ACTN2: variants seen among roughly 807,000 people sequenced by gnomAD.
The protein encoded by ACTN2 is alpha-actinin-2.
A neutral mutation model predicts 113.8 loss-of-function variants in ACTN2; 39 were observed. The observed-to-expected ratio is 0.34, with a 90% CI of 0.27 to 0.45. ACTN2 has a LOEUF of 0.45. Ranked by LOEUF, ACTN2 falls within the 20% of genes least tolerant of loss-of-function variation. The probability of loss-of-function intolerance (pLI) is 1.00; values close to 1 mark genes in which losing one functional copy is unlikely to be tolerated. For missense variants in ACTN2, 992 were observed against 1,177.9 expected (o/e 0.84, Z 2.31); for synonymous variants, 429 against 444.1 (o/e 0.97, Z 0.43).
At chr1:236,694,728 A>C (rs1657430602) in intron 1 of ACTN2, among the ~76,000 whole-genome samples, 1 of 152,098 alleles carries the variant, frequency 6.6e-6, no homozygotes, top group Non-Finnish European at 1.5e-5. Flanking sequence ...GTATTTTCTC[A>C]GGTCCCCGAA....
chr1:236,715,486 TA>T (rs1025982612), intron 1 of ACTN2, among the ~76,000 whole-genome samples: 4 of 152,130 alleles, frequency 2.6e-5, no homozygotes, highest in African/African-American at 9.7e-5. Context: ...TCTGTGATGA[TA>T]GGAATGTTGT....
intron 7 of ACTN2, 103 bp downstream of exon 7, chr1:236,731,417 C>T (rs184754556): frequency 4.3e-5 from 39 of 897,020 alleles, no homozygotes; most frequent in Admixed American, 3.1e-4. Context: ...AAGTTACATC[C>T]GAAGTACTTT....
chr1:236,705,956 A>G (rs1025040114), intron 1 of ACTN2, among the ~76,000 whole-genome samples: 1 of 152,222 alleles, frequency 6.6e-6, no homozygotes, highest in Non-Finnish European at 1.5e-5. Context: ...TTTGTGATGC[A>G]GAATTTGATT....
intron 1 of ACTN2, among the ~76,000 whole-genome samples, chr1:236,715,881 G>A (rs527273152): frequency 3.9e-5 from 6 of 152,258 alleles, no homozygotes; most frequent in Admixed American, 3.3e-4. Context: ...ACTTGAACTC[G>A]GGAGGCGGAG....
chr1:236,703,433 CTTTTTTTTTTTT>C (rs35432183), intron 1 of ACTN2, among the ~76,000 whole-genome samples: 2 of 98,838 alleles, frequency 2.0e-5, no homozygotes, highest in South Asian at 7.3e-4. Flanking sequence ...GGCCTACTAC[CTTTTTTTTTTTT>C]TTTTTTTTTT....
At chr1:236,733,330 T>C (rs545187995) in intron 7 of ACTN2, among the ~76,000 whole-genome samples, 1 of 152,342 alleles carries the variant, frequency 6.6e-6, no homozygotes, top group South Asian at 2.1e-4. Flanking sequence ...GTAGAATTAT[T>C]GGCAGGATCA....
intron 8 of ACTN2, chr1:236,736,420 G>C (rs1658878191): frequency 1.7e-6 from 1 of 600,808 alleles, no homozygotes; most frequent in African/African-American, 1.9e-5. Context: ...CAGGCTGCGG[G>C]CCCAGAAGCC....
chr1:236,727,902 C>T (rs1658600974), intron 6 of ACTN2, 146 bp downstream of exon 6: 1 of 761,088 alleles, frequency 1.3e-6, no homozygotes, highest in African/African-American at 1.7e-5. Flanking sequence ...TCCCAGCTAG[C>T]CTTTCCCATG....
intron 11 of ACTN2, among the ~76,000 whole-genome samples, chr1:236,744,246 C>T (rs142448588): frequency 1.3e-5 from 2 of 152,036 alleles, no homozygotes; most frequent in African/African-American, 2.4e-5. Flanking sequence ...AATGGAGCAC[C>T]GGGGTTTTAT....
chr1:236,749,062 T>A (rs764323046), intron 13 of ACTN2, 62 bp from the exon 14 acceptor site: 1 of 1,583,424 alleles, frequency 6.3e-7, no homozygotes, highest in Admixed American at 1.7e-5. Context: ...GAACGCCTAC[T>A]TACACTTTCA....
At position 236,754,691 on chromosome 1, in the gene ACTN2, C is replaced by T. The variant is rs1239464880; in HGVS notation, c.1975-328C>T. ...CACCCAGGCAGCCCACCCCCAGCCT[C>T]CTCCAGAGCAGGGTAGCTCTGCCCG... On this transcript the variant is annotated intron_variant, in intron 16 of 20. Coordinates refer to ENST00000366578, the MANE Select transcript of ACTN2 (RefSeq NM_001103.4). This position sits in a 1 kb window ranked among gnomAD's most constrained non-coding sequence, Gnocchi z 4.9. Among the ~76,000 whole-genome samples the T allele has an allele frequency of 6.6e-6, 1 of 152,222 alleles. No individual in the cohort carries two copies. The highest frequency in any genetic ancestry group is 2.4e-5 in the African/African-American group (1 of 41,460).
At chr1:236,745,959 C>T (rs1377238271) in intron 12 of ACTN2, among the ~76,000 whole-genome samples, 1 of 151,822 alleles carries the variant, frequency 6.6e-6, no homozygotes, top group East Asian at 1.9e-4. Flanking sequence ...GTCAGGAGAT[C>T]AAGACCATCC....
intron 1 of ACTN2, among the ~76,000 whole-genome samples, chr1:236,715,381 A>T (rs895932812): frequency 6.8e-6 from 1 of 147,024 alleles, no homozygotes; most frequent in African/African-American, 2.5e-5. Context: ...AAATACATAA[A>T]ATTAATATGT....
Position 236,739,232 on chromosome 1 carries a change from ATT to A in ACTN2, c.877-59_877-58del, listed in dbSNP as rs34704730. 0.069 allele frequency: 83,219 copies of A among 1,204,020 alleles called. 2,398 individuals carry two copies. The highest frequency in any genetic ancestry group is 0.12 in the East Asian group (4,461 of 37,900). 74.6% of individuals were successfully genotyped at this position (1,204,020 alleles called of 1,614,324 possible). On this transcript the variant is annotated intron_variant, in intron 9 of 20. Coordinates refer to ENST00000366578, the MANE Select transcript of ACTN2 (RefSeq NM_001103.4). Reference sequence around the variant, plus strand: ...TCCTTTACAAATTATTGGATGCCTCATTTTTTTTTTTTAACTGGGGGAGGGGG... The same window carrying A: ...TCCTTTACAAATTATTGGATGCCTCATTTTTTTTTTAACTGGGGGAGGGGG...
At chr1:236,761,446 T>C (rs1435266824) in intron 20 of ACTN2, among the ~76,000 whole-genome samples, 1 of 151,792 alleles carries the variant, frequency 6.6e-6, no homozygotes, top group Admixed American at 6.6e-5. Flanking sequence ...TGTGTGTGTG[T>C]GTGTGTGTGT....
chr1:236,753,875 T>A, intron 15 of ACTN2, 72 bp from the exon 16 acceptor site: 1 of 910,664 alleles, frequency 1.1e-6, no homozygotes, highest in Non-Finnish European at 1.7e-6. Context: ...CTTGGACTAT[T>A]CCCGCATTCT....
chr1:236,726,110 C>T, intron 5 of ACTN2, 90 bp downstream of exon 5: 8 of 1,199,880 alleles, frequency 6.7e-6, no homozygotes, highest in South Asian at 1.2e-5. Context: ...GTGTTTTCCT[C>T]CTGTCTGAGA....
At chr1:236,736,449 T>A (rs564711922) in intron 8 of ACTN2, 18 of 671,062 alleles carry the variant, frequency 2.7e-5, no homozygotes, top group African/African-American at 2.4e-4. Context: ...AAGCTTCTCT[T>A]GTTCCATCAG....
intron 1 of ACTN2, among the ~76,000 whole-genome samples, chr1:236,705,377 A>G (rs10925201): frequency 0.59 from 89,182 of 152,056 alleles, 29,598 homozygotes; most frequent in Non-Finnish European, 0.74. Context: ...ATAAAGATGA[A>G]TATTTAAACA....
Sources: gnomAD v4.1 joint callset for allele counts (sites outside exome capture counted in the v4.1 genomes callset) on GRCh38, gnomAD v4.1.1 for gene constraint, Gnocchi (gnomAD v3.1) non-coding constraint, MANE v1.5 for transcripts, NCBI Gene and HGNC (gene_info 2026-07-23, HGNC 2026-07-21) for gene names.